Variants in VAV3 observed in about 807,000 individuals in gnomAD.
VAV3 encodes the protein vav guanine nucleotide exchange factor 3.
Under a neutral mutation model 131.2 loss-of-function variants are expected in VAV3, and 94 were observed. The ratio of observed to expected loss-of-function variants is 0.72; its 90% CI spans 0.61 to 0.85. VAV3 has a LOEUF of 0.85. Ranked by LOEUF, VAV3 falls within the 40% of genes least tolerant of loss-of-function variation. VAV3 has a pLI of 0.00. For synonymous variants in VAV3, 349 were observed against 342.0 expected, an observed-to-expected ratio of 1.02 and a Z score of -0.22; for missense variants, 939 against 1,002.7, an observed-to-expected ratio of 0.94 and a Z score of 0.86.
intron 1 of VAV3, among the ~76,000 whole-genome samples, chr1:107,921,989 C>G (rs370015861): frequency 2.6e-5 from 4 of 152,216 alleles, no homozygotes; most frequent in Non-Finnish European, 4.4e-5. Flanking sequence ...ACCTGCCTCA[C>G]AAACATGACC....
At chr1:107,953,201 C>T (rs573862814) in intron 1 of VAV3, among the ~76,000 whole-genome samples, 90 of 152,182 alleles carry the variant, frequency 5.9e-4, no homozygotes, top group Admixed American at 2.7e-3. Context: ...TGAGAAAAGC[C>T]CTTTAGCCAG....
At chr1:107,690,767 G>A (rs1659375248) in intron 17 of VAV3, among the ~76,000 whole-genome samples, 1 of 152,130 alleles carries the variant, frequency 6.6e-6, no homozygotes, top group Admixed American at 6.5e-5. Flanking sequence ...CCAAGGGCAT[G>A]AGTCCTTTAG....
At chr1:107,962,426 T>G (rs1675138179) in intron 1 of VAV3, among the ~76,000 whole-genome samples, 1 of 152,252 alleles carries the variant, frequency 6.6e-6, no homozygotes, top group Non-Finnish European at 1.5e-5. Context: ...AATATAACAA[T>G]AGCAGAAAAA....
chr1:107,828,954 T>G (rs369301633), intron 2 of VAV3, among the ~76,000 whole-genome samples: 30 of 152,186 alleles, frequency 2.0e-4, no homozygotes, highest in African/African-American at 6.8e-4. Flanking sequence ...CTACATCATT[T>G]GCAAAGCCCC....
intron 1 of VAV3, among the ~76,000 whole-genome samples, chr1:107,947,464 G>T (rs345283): frequency 0.95 from 144,579 of 152,242 alleles, 69,069 homozygotes; most frequent in East Asian, 1. Flanking sequence ...GACAGGAGAA[G>T]GGAAAGAATC....
chr1:107,742,417 C>A (rs1663077926), intron 15 of VAV3, among the ~76,000 whole-genome samples: 1 of 152,204 alleles, frequency 6.6e-6, no homozygotes, highest in African/African-American at 2.4e-5. Flanking sequence ...ACCCCATATT[C>A]CATGGGCCCA....
At chr1:107,856,053 G>A (rs775501679) in intron 2 of VAV3, among the ~76,000 whole-genome samples, 46 of 152,280 alleles carry the variant, frequency 3.0e-4, no homozygotes, top group Non-Finnish European at 5.3e-4. Flanking sequence ...CTGAGTAGGA[G>A]ACCACCCCAT....
intron 10 of VAV3, among the ~76,000 whole-genome samples, chr1:107,760,350 G>A (rs1664342254): frequency 6.6e-6 from 1 of 152,118 alleles, no homozygotes; most frequent in Non-Finnish European, 1.5e-5. Flanking sequence ...TTATAATTTA[G>A]TATAGTAGAA....
At chr1:107,755,586 C>A in intron 11 of VAV3, 73 bp from the exon 12 acceptor site, 1 of 1,052,258 alleles carries the variant, frequency 9.5e-7, no homozygotes. Context: ...TGAAAGAAAA[C>A]ACATCATTAA....
chr1:107,677,509 A>G (rs1179708174), intron 19 of VAV3, among the ~76,000 whole-genome samples: 1 of 152,190 alleles, frequency 6.6e-6, no homozygotes, highest in African/African-American at 2.4e-5. Context: ...ATAACCATAG[A>G]TATGGCAAAG....
intron 18 of VAV3, among the ~76,000 whole-genome samples, chr1:107,684,487 T>C (rs941511087): frequency 3.3e-5 from 5 of 152,230 alleles, no homozygotes; most frequent in African/African-American, 7.2e-5. Context: ...TTCTGTTGTT[T>C]TCATTCACAA....
chr1:107,822,310 A>C (rs970007056), intron 2 of VAV3, among the ~76,000 whole-genome samples: 19 of 152,044 alleles, frequency 1.2e-4, no homozygotes, highest in African/African-American at 4.6e-4. Flanking sequence ...TTCCAAAGGG[A>C]TAAGTGGGAA....
chr1:107,653,989 T>C (rs138363543), intron 19 of VAV3, among the ~76,000 whole-genome samples: 1 of 152,104 alleles, frequency 6.6e-6, no homozygotes, highest in African/African-American at 2.4e-5. Flanking sequence ...AAACACTACA[T>C]GCTAGCACAG....
chr1:107,740,097 G>A, intron 15 of VAV3, among the ~76,000 whole-genome samples: 1 of 152,164 alleles, frequency 6.6e-6, no homozygotes, highest in East Asian at 1.9e-4. Context: ...GACCAGCCTG[G>A]CCAACATGGC....
chr1:107,763,225 A>G (rs975258652), intron 9 of VAV3, among the ~76,000 whole-genome samples: 2 of 152,208 alleles, frequency 1.3e-5, no homozygotes, highest in Admixed American at 1.3e-4. Flanking sequence ...TAAGCTGAAG[A>G]AAGGACAGCA....
At chr1:107,656,483 A>T (rs1656567616) in intron 19 of VAV3, among the ~76,000 whole-genome samples, 1 of 152,210 alleles carries the variant, frequency 6.6e-6, no homozygotes, top group African/African-American at 2.4e-5. Context: ...GTAGCAGATG[A>T]AGAGATTAAT....
intron 19 of VAV3, among the ~76,000 whole-genome samples, chr1:107,648,039 C>G (rs1655868150): frequency 6.6e-6 from 1 of 151,922 alleles, no homozygotes; most frequent in Non-Finnish European, 1.5e-5. Context: ...TGGAAAAATT[C>G]CATGCTACAA....
At chr1:107,740,725 T>C (rs1434827897) in intron 15 of VAV3, among the ~76,000 whole-genome samples, 1 of 152,256 alleles carries the variant, frequency 6.6e-6, no homozygotes, top group African/African-American at 2.4e-5. Flanking sequence ...TTATTTGTGC[T>C]GTAGGACAGG....
chr1:107,776,130 A>C (rs528904610), intron 4 of VAV3, among the ~76,000 whole-genome samples: 1 of 152,346 alleles, frequency 6.6e-6, no homozygotes, highest in African/African-American at 2.4e-5. Context: ...TTAGCACACA[A>C]ATGGAAACTC....
Sources: gnomAD v4.1 joint callset for allele counts (sites outside exome capture counted in the v4.1 genomes callset) on GRCh38, gnomAD v4.1.1 for gene constraint, MANE v1.5 for transcripts, NCBI Gene and HGNC (gene_info 2026-07-23, HGNC 2026-07-21) for gene names.